CACNB2: variants seen among roughly 807,000 people sequenced by gnomAD.
CACNB2 encodes the protein voltage-dependent L-type calcium channel subunit beta-2.
In CACNB2, 42 loss-of-function variants were observed where a neutral mutation model predicts 73.3. That is an observed-to-expected ratio of 0.57 (90% CI 0.45 to 0.74). CACNB2 has a LOEUF of 0.74. Ranked by LOEUF, CACNB2 falls within the 30% of genes least tolerant of loss-of-function variation. The probability of loss-of-function intolerance (pLI) is 0.00; values close to 1 mark genes in which losing one functional copy is unlikely to be tolerated. For synonymous variants in CACNB2, 348 were observed against 310.3 expected (o/e 1.12, Z -1.28); for missense variants, 940 against 853.0 (o/e 1.10, Z -1.27).
At chr10:18,309,451 G>A (rs1264672702) in intron 2 of CACNB2, among the ~76,000 whole-genome samples, 1 of 152,032 alleles carries the variant, frequency 6.6e-6, no homozygotes, top group Non-Finnish European at 1.5e-5. Flanking sequence ...AGAAAATGTG[G>A]ATTTTTCTTT....
intron 5 of CACNB2, among the ~76,000 whole-genome samples, chr10:18,505,797 A>T (rs141334439): frequency 4.6e-4 from 70 of 152,316 alleles, no homozygotes; most frequent in African/African-American, 1.6e-3. Context: ...TATCATATCA[A>T]ACTTTCAAAT....
intron 10 of CACNB2, among the ~76,000 whole-genome samples, chr10:18,530,855 A>G (rs968403443): frequency 1.3e-5 from 2 of 152,146 alleles, no homozygotes; most frequent in African/African-American, 4.8e-5. Context: ...GAGGTTCAAT[A>G]TGTTACCCAC....
intron 2 of CACNB2, among the ~76,000 whole-genome samples, chr10:18,394,442 G>A (rs1259564150): frequency 6.6e-6 from 1 of 152,166 alleles, no homozygotes; most frequent in Non-Finnish European, 1.5e-5. Context: ...GATGCATGTA[G>A]GAATTTGTCC....
In CACNB2 at chr10:18,539,844, T is replaced by C. The variant is rs1403548705; in HGVS notation, c.*120T>C. 51 of 1,059,330 alleles carry C rather than the reference T, an allele frequency of 4.8e-5. No homozygotes were observed. 65.6% of individuals were successfully genotyped at this position (1,059,330 alleles called of 1,614,324 possible). A position where few individuals can be genotyped will look rare whatever the true frequency, so the allele number is the denominator to read the frequency against. On this transcript the variant is annotated 3_prime_UTR_variant, in exon 14 of 14. Coordinates refer to ENST00000324631, the MANE Select transcript of CACNB2 (RefSeq NM_201596.3). Reference sequence around the variant, plus strand: ...CATATGTGATCTGTCTTGTAATATTTTGTATTATTGCTGTTGCTTGAATAG... The same window carrying C: ...CATATGTGATCTGTCTTGTAATATTCTGTATTATTGCTGTTGCTTGAATAG...
chr10:18,254,974 TA>T (rs1339236434), intron 2 of CACNB2, among the ~76,000 whole-genome samples: 3 of 152,188 alleles, frequency 2.0e-5, no homozygotes, highest in Non-Finnish European at 2.9e-5. Flanking sequence ...TCATTTTCCT[TA>T]TCTCCCATCT....
chr10:18,453,741 T>C (rs1488654598), intron 3 of CACNB2, among the ~76,000 whole-genome samples: 1 of 152,214 alleles, frequency 6.6e-6, no homozygotes, highest in Non-Finnish European at 1.5e-5. Flanking sequence ...ATGATTCTTG[T>C]GCCTCAGCCT....
intron 3 of CACNB2, among the ~76,000 whole-genome samples, chr10:18,425,965 C>T (rs2045578817): frequency 6.6e-6 from 1 of 152,126 alleles, no homozygotes; most frequent in Non-Finnish European, 1.5e-5. Flanking sequence ...AGCTGCTATT[C>T]ATGTTTCAAT....
At chr10:18,375,328 A>G (rs760377322) in intron 2 of CACNB2, among the ~76,000 whole-genome samples, 11 of 152,220 alleles carry the variant, frequency 7.2e-5, no homozygotes, top group Non-Finnish European at 1.6e-4. Flanking sequence ...AGATACATGT[A>G]TCTTTATTAA....
At chr10:18,286,901 C>A (rs1207396398) in intron 2 of CACNB2, among the ~76,000 whole-genome samples, 1 of 152,162 alleles carries the variant, frequency 6.6e-6, no homozygotes, top group Admixed American at 6.5e-5. Context: ...AAGTTCATGA[C>A]CCTACCTATT....
intron 2 of CACNB2, among the ~76,000 whole-genome samples, chr10:18,231,326 G>A (rs187007366): frequency 6.4e-4 from 98 of 152,248 alleles, no homozygotes; most frequent in Non-Finnish European, 1.1e-3. Flanking sequence ...ACAGGCAGGC[G>A]CCACCACACC....
intron 3 of CACNB2, among the ~76,000 whole-genome samples, chr10:18,436,214 T>G (rs1360310412): frequency 6.6e-6 from 1 of 152,180 alleles, no homozygotes; most frequent in Non-Finnish European, 1.5e-5. Context: ...TAATGATGAG[T>G]TTGCCAGTAA....
chr10:18,411,773 G>GCTGGAA (rs1278962347), intron 3 of CACNB2, among the ~76,000 whole-genome samples: 1 of 152,190 alleles, frequency 6.6e-6, no homozygotes, highest in Non-Finnish European at 1.5e-5. Context: ...CTCCCAAAGT[G>GCTGGAA]CTGGAATTAC....
rs554634628 is a variant in CACNB2, at chr10:18,160,089, G to A, written c.213+9114G>A. On this transcript the variant is annotated intron_variant, in intron 2 of 13. Transcript: ENST00000324631. ...TACTTTTTTCTTTTTAGGAGATATAGGTACTTTAGAAAGTATTAAAACAAA... is the reference window on the plus strand; with the variant it reads ...TACTTTTTTCTTTTTAGGAGATATAAGTACTTTAGAAAGTATTAAAACAAA... Among the ~76,000 whole-genome samples, 49 of 152,108 alleles carry A rather than the reference G, an allele frequency of 3.2e-4. 2 individuals carry two copies. In the South Asian group the frequency reaches 1.0e-2, roughly 31 times the overall value.
At chr10:18,465,804 C>T (rs1409649008) in intron 3 of CACNB2, among the ~76,000 whole-genome samples, 1 of 151,800 alleles carries the variant, frequency 6.6e-6, no homozygotes, top group Non-Finnish European at 1.5e-5. Flanking sequence ...GCCTCAGCCT[C>T]CCGAGTAGCT....
At chr10:18,247,443 G>A (rs2036910836) in intron 2 of CACNB2, among the ~76,000 whole-genome samples, 1 of 152,142 alleles carries the variant, frequency 6.6e-6, no homozygotes, top group Admixed American at 6.5e-5. Flanking sequence ...AATAGTCAAT[G>A]TGTTAGTTTT....
intron 2 of CACNB2, among the ~76,000 whole-genome samples, chr10:18,363,996 G>A (rs931485740): frequency 1.3e-5 from 2 of 148,560 alleles, no homozygotes; most frequent in Non-Finnish European, 3.0e-5. Context: ...TGCCTAGGCT[G>A]GAGTACAATG....
chr10:18,260,974 G>A (rs1241086525), intron 2 of CACNB2: 5 of 1,334,370 alleles, frequency 3.7e-6, no homozygotes, highest in African/African-American at 1.5e-5. Context: ...ACTTACTTCC[G>A]GAAAATTAAT....
In CACNB2 at chr10:18,539,797, T is replaced by C; in HGVS notation, c.*73T>C. The C allele has an allele frequency of 8.7e-7, 1 of 1,154,424 alleles. No individual in the cohort carries two copies. Among genetic ancestry groups the C allele is most frequent in the South Asian group, 1.4e-5 (1 of 71,650 alleles). The allele number at this position is 1,154,424 out of a possible 1,614,324, so 71.5% of individuals were successfully genotyped here. A position where few individuals can be genotyped will look rare whatever the true frequency, so the allele number is the denominator to read the frequency against. On this transcript the variant is annotated 3_prime_UTR_variant, in exon 14 of 14. Transcript: ENST00000324631. The stretch of plus-strand genomic sequence containing the variant: ...AACTAACAGCATCCCCAAAACAAAG[T>C]CTTTGGGGTCTACACTGCAATCATA...
chr10:18,432,618 G>A (rs1281105253), intron 3 of CACNB2, among the ~76,000 whole-genome samples: 1 of 152,160 alleles, frequency 6.6e-6, no homozygotes, highest in Non-Finnish European at 1.5e-5. Flanking sequence ...CAGATTGCTT[G>A]AGCTCAGGAG....
Sources: gnomAD v4.1 joint callset for allele counts (sites outside exome capture counted in the v4.1 genomes callset) on GRCh38, gnomAD v4.1.1 for gene constraint, MANE v1.5 for transcripts, NCBI Gene and HGNC (gene_info 2026-07-23, HGNC 2026-07-21) for gene names.